Variants in POPDC2 observed in about 807,000 individuals in gnomAD.
POPDC2 encodes the protein popeye domain cAMP effector 2.
In POPDC2, 24 loss-of-function variants were observed where a neutral mutation model predicts 30.5. The ratio of observed to expected loss-of-function variants is 0.79; its 90% CI spans 0.57 to 1.11. The LOEUF (loss-of-function observed/expected upper bound fraction) is 1.11, where lower values mean the gene tolerates loss of function less well. Ranked by LOEUF, POPDC2 falls within the 50% of genes least tolerant of loss-of-function variation. The pLI, the probability that POPDC2 is intolerant of heterozygous loss-of-function variation, is 0.00. For synonymous variants in POPDC2, 185 were observed against 183.3 expected, an observed-to-expected ratio of 1.01 and a Z score of -0.07; for missense variants, 409 against 447.0, an observed-to-expected ratio of 0.91 and a Z score of 0.77.
intron 1 of POPDC2, among the ~76,000 whole-genome samples, chr3:119,656,675 C>T (rs2052882869): frequency 6.6e-6 from 1 of 152,152 alleles, no homozygotes; most frequent in South Asian, 2.1e-4. Flanking sequence ...TATCCTTCCC[C>T]CAACCCGACC....
chr3:119,647,568 C>A (rs1241864812), intron 3 of POPDC2, among the ~76,000 whole-genome samples: 1 of 152,206 alleles, frequency 6.6e-6, no homozygotes, highest in South Asian at 2.1e-4. Context: ...TCTGTGTGAT[C>A]AACAAACACA....
intron 1 of POPDC2, among the ~76,000 whole-genome samples, chr3:119,658,383 C>T (rs1245482142): frequency 2.0e-5 from 3 of 152,254 alleles, no homozygotes; most frequent in Non-Finnish European, 4.4e-5. Flanking sequence ...AAGCCCCCCT[C>T]TCCCCTTCAC....
At chr3:119,653,717 T>C (rs1480152696) in intron 2 of POPDC2, among the ~76,000 whole-genome samples, 2 of 152,134 alleles carry the variant, frequency 1.3e-5, no homozygotes, top group African/African-American at 4.8e-5. Flanking sequence ...GACCTCAGGA[T>C]CCACCCACCT....
chr3:119,646,095 A>G (rs2052742511), intron 3 of POPDC2, among the ~76,000 whole-genome samples: 1 of 152,166 alleles, frequency 6.6e-6, no homozygotes, highest in South Asian at 2.1e-4. Flanking sequence ...CTTCACTTGA[A>G]TGGTTTTCTT....
Position 119,659,961 on chromosome 3 carries a change from T to A in POPDC2, c.463A>T (p.Asn155Tyr). 1 of 1,598,984 alleles carries A rather than the reference T, an allele frequency of 6.3e-7. No homozygotes were observed. The highest frequency in any genetic ancestry group is 1.1e-5 in the South Asian group (1 of 90,408). ...TYAVEGETPI[N>Y]RLSLLLSGRV... ...CCAGAGAGCAGCAGGGACAGGCGGT[T>A]GATGGGTGTCTCACCCTCCACAGCA... The change falls in exon 1 of 4, where the codon AAC becomes TAC. Residue 155 changes from asparagine (N) to tyrosine (Y), a missense_variant. Asn to Tyr is a moderately radical substitution (Grantham distance 143). Transcript: ENST00000493094.
At chr3:119,656,125 C>G in intron 1 of POPDC2, among the ~76,000 whole-genome samples, 1 of 152,014 alleles carries the variant, frequency 6.6e-6, no homozygotes, top group Non-Finnish European at 1.5e-5. Flanking sequence ...TTTTTTATCA[C>G]GTAACTCAGA....
chr3:119,644,069 A>AT (rs2052718584), intron 3 of POPDC2, among the ~76,000 whole-genome samples: 1 of 143,348 alleles, frequency 7.0e-6, no homozygotes. Flanking sequence ...TATATAGTAA[A>AT]TAGTGTTTAT....
chr3:119,646,504 C>T (rs1327892504), intron 3 of POPDC2, among the ~76,000 whole-genome samples: 2 of 151,990 alleles, frequency 1.3e-5, no homozygotes, highest in Non-Finnish European at 2.9e-5. Flanking sequence ...CCAGGCACAG[C>T]GACATGTGCC....
chr3:119,647,882 C>G (rs150140242), intron 3 of POPDC2, among the ~76,000 whole-genome samples: 2 of 152,194 alleles, frequency 1.3e-5, no homozygotes, highest in East Asian at 3.8e-4. Context: ...TCCTGCTCAA[C>G]GTATCAACCA....
intron 2 of POPDC2, among the ~76,000 whole-genome samples, chr3:119,650,388 C>T (rs1050221964): frequency 2.6e-5 from 4 of 152,160 alleles, no homozygotes; most frequent in African/African-American, 9.7e-5. Flanking sequence ...TTAACTGTCT[C>T]CAATTCCTCT....
chr3:119,642,656 C>G (rs567321940), intron 3 of POPDC2, 95 bp from the exon 4 acceptor site: 12 of 789,108 alleles, frequency 1.5e-5, no homozygotes, highest in Non-Finnish European at 2.3e-5. Flanking sequence ...CTTTCCTTTA[C>G]CAATTCCCAA....
intron 3 of POPDC2, among the ~76,000 whole-genome samples, chr3:119,643,054 C>T (rs368944025): frequency 6.6e-6 from 1 of 152,162 alleles, no homozygotes; most frequent in Non-Finnish European, 1.5e-5. Context: ...CTTACCTGAC[C>T]GACAATGGAA....
rs921473762 is a variant in POPDC2 at position 119,656,111 on chromosome 3, ATTTTT to A, written c.492-1503_492-1499del. On this transcript the variant is annotated intron_variant, in intron 1 of 3. Transcript: ENST00000493094. ...CTCCTCCCTGAAGGAACTAAAAAAA[ATTTTT>A]TTTTATCACGTAACTCAGACTTTGA... is the stretch of plus-strand genomic sequence containing the variant. Among the ~76,000 whole-genome samples, 3 of 151,886 alleles carry A rather than the reference ATTTTT, an allele frequency of 2.0e-5. No homozygotes were observed. The East Asian group carries it at 5.8e-4, about 29-fold the overall frequency.
At chr3:119,645,063 TTCTC>T (rs1293379550) in intron 3 of POPDC2, among the ~76,000 whole-genome samples, 1 of 152,248 alleles carries the variant, frequency 6.6e-6, no homozygotes, top group Non-Finnish European at 1.5e-5. Flanking sequence ...TAAGTTTCCT[TTCTC>T]TCTATTGCTT....
intron 1 of POPDC2, among the ~76,000 whole-genome samples, chr3:119,655,912 G>T (rs1257112537): frequency 6.6e-6 from 1 of 152,120 alleles, no homozygotes; most frequent in Non-Finnish European, 1.5e-5. Context: ...ATAACAGCTT[G>T]TTTCTTTAGA....
chr3:119,643,790 C>T (rs2052715844), intron 3 of POPDC2, among the ~76,000 whole-genome samples: 1 of 152,186 alleles, frequency 6.6e-6, no homozygotes, highest in Non-Finnish European at 1.5e-5. Context: ...CCTGAGATTT[C>T]TTATGGCCCC....
At chr3:119,656,147 A>G (rs566235722) in intron 1 of POPDC2, among the ~76,000 whole-genome samples, 2 of 152,362 alleles carry the variant, frequency 1.3e-5, no homozygotes, top group South Asian at 4.1e-4. Context: ...TTTGAAAAGC[A>G]TGGGTCCCAA....
rs900150646 is a variant in POPDC2 at position 119,648,086 on chromosome 3, G to C, written c.*43+33C>G. ...GCTGAGTTAAGGCCAGCCATTGACAGGAATGTGCAGCGGCTGCCTTCTGAG... is the reference window on the plus strand; with the variant it reads ...GCTGAGTTAAGGCCAGCCATTGACACGAATGTGCAGCGGCTGCCTTCTGAG... On this transcript the variant is annotated intron_variant, in intron 3 of 3. Coordinates refer to ENST00000493094, the MANE Select transcript of POPDC2 (RefSeq NM_001369919.2). 4 of 1,415,756 alleles carry C rather than the reference G, an allele frequency of 2.8e-6. No homozygotes were observed. In the African/African-American group the frequency reaches 5.8e-5, roughly 20 times the overall value. 87.7% of individuals were successfully genotyped at this position (1,415,756 alleles called of 1,614,324 possible). A position where few individuals can be genotyped will look rare whatever the true frequency, so the allele number is the denominator to read the frequency against.
chr3:119,660,127 CAGG>C lies in POPDC2; in HGVS notation c.294_296del (p.Leu99del). ...ACTCCTCAGGGAGGGTGTCCTCACG[CAGG>C]CGGTATACCAGGTGTGCCAGCTGGA... is the stretch of plus-strand genomic sequence containing the variant. On this transcript the variant is annotated inframe_deletion, in exon 1 of 4. Coordinates refer to ENST00000493094, the MANE Select transcript of POPDC2 (RefSeq NM_001369919.2). 6.2e-7 allele frequency: 1 copy of C among 1,614,194 alleles called. No individual in the cohort carries two copies. The highest frequency in any genetic ancestry group is 8.5e-7 in the Non-Finnish European group (1 of 1,180,026).
Sources: gnomAD v4.1 joint callset for allele counts (sites outside exome capture counted in the v4.1 genomes callset) on GRCh38, gnomAD v4.1.1 for gene constraint, MANE v1.5 for transcripts, NCBI Gene and HGNC (gene_info 2026-07-23, HGNC 2026-07-21) for gene names.